ESRRG: variants seen among roughly 807,000 people sequenced by gnomAD.
The protein encoded by ESRRG is estrogen-related receptor gamma.
ESRRG carries 13 observed loss-of-function variants against 44.0 expected under a neutral mutation model. The ratio of observed to expected loss-of-function variants is 0.30; its 90% CI spans 0.19 to 0.47. The LOEUF (loss-of-function observed/expected upper bound fraction) is 0.47, where lower values mean the gene tolerates loss of function less well. ESRRG is among the 20% of genes least tolerant of loss of function. ESRRG has a pLI of 1.00. For missense variants in ESRRG, 395 were observed against 580.6 expected (o/e 0.68, Z 3.29); for synonymous variants, 215 against 214.6 (o/e 1.00, Z -0.02).
chr1:217,080,667 T>C (rs180681544), intron 1 of ESRRG, among the ~76,000 whole-genome samples: 10 of 99,064 alleles, frequency 1.0e-4, no homozygotes, highest in African/African-American at 3.0e-4. Context: ...GTTTTGTTTT[T>C]TTGGTTTTTT....
intron 2 of ESRRG, among the ~76,000 whole-genome samples, chr1:216,932,721 T>G (rs1028291859): frequency 4.3e-5 from 3 of 68,970 alleles, no homozygotes; most frequent in African/African-American, 2.4e-4. Flanking sequence ...CCAAACTTGT[T>G]TTTTTTTTTT....
At chr1:217,049,580 A>C (rs1580082073) in intron 1 of ESRRG, among the ~76,000 whole-genome samples, 1 of 152,324 alleles carries the variant, frequency 6.6e-6, no homozygotes, top group East Asian at 1.9e-4. Context: ...GAGAAGAAAA[A>C]AGAATAACTT....
At chr1:216,512,511 A>G (rs2043013892) in intron 6 of ESRRG, among the ~76,000 whole-genome samples, 1 of 152,220 alleles carries the variant, frequency 6.6e-6, no homozygotes, top group Non-Finnish European at 1.5e-5. Context: ...CTAAGTATAC[A>G]CATTTATTTA....
chr1:216,539,884 T>A (rs4846521), intron 5 of ESRRG, among the ~76,000 whole-genome samples: 87,392 of 151,848 alleles, frequency 0.58, 26,795 homozygotes, highest in African/African-American at 0.79. Flanking sequence ...ACATACAAAA[T>A]TCATTACTAC....
chr1:216,919,406 T>C (rs994436943), intron 2 of ESRRG, among the ~76,000 whole-genome samples: 1 of 152,188 alleles, frequency 6.6e-6, no homozygotes, highest in Admixed American at 6.6e-5. Flanking sequence ...AGAAACATCA[T>C]ATTTCAAAGG....
chr1:216,855,905 A>G (rs1439136735), intron 2 of ESRRG, among the ~76,000 whole-genome samples: 1 of 152,122 alleles, frequency 6.6e-6, no homozygotes, highest in Non-Finnish European at 1.5e-5. Flanking sequence ...TATGGACTTT[A>G]TCTCAATTTG....
intron 3 of ESRRG, among the ~76,000 whole-genome samples, chr1:216,580,511 G>A (rs2062560222): frequency 6.6e-6 from 1 of 152,130 alleles, no homozygotes; most frequent in African/African-American, 2.4e-5. Context: ...ATATTAAGAA[G>A]AACTGACTAA....
chr1:216,687,288 G>A (rs2078189634), intron 1 of ESRRG, among the ~76,000 whole-genome samples: 1 of 152,032 alleles, frequency 6.6e-6, no homozygotes, highest in Admixed American at 6.6e-5. Context: ...GGAGGCGTTG[G>A]CGGAAGGGCA....
At chr1:216,917,536 A>AAT (rs1450108762) in intron 2 of ESRRG, among the ~76,000 whole-genome samples, 1 of 152,186 alleles carries the variant, frequency 6.6e-6, no homozygotes, top group African/African-American at 2.4e-5. Context: ...ACACCCAGTA[A>AAT]ATACTCTGTA....
intron 1 of ESRRG, among the ~76,000 whole-genome samples, chr1:216,978,677 ACAGT>A (rs942889664): frequency 3.9e-5 from 6 of 152,166 alleles, no homozygotes; most frequent in Admixed American, 1.3e-4. Context: ...CTCTTCCATG[ACAGT>A]CAGAGCAGAA....
chr1:216,532,209 T>C (rs2049579260), intron 5 of ESRRG, among the ~76,000 whole-genome samples: 1 of 151,982 alleles, frequency 6.6e-6, no homozygotes, highest in Non-Finnish European at 1.5e-5. Context: ...ATTAGGATGA[T>C]GCCATAGTGG....
At chr1:216,537,636 A>C (rs1313913293) in intron 5 of ESRRG, among the ~76,000 whole-genome samples, 1 of 152,044 alleles carries the variant, frequency 6.6e-6, no homozygotes, top group Non-Finnish European at 1.5e-5. Flanking sequence ...TGAGATGGGA[A>C]GTCACTGGGG....
intron 2 of ESRRG, among the ~76,000 whole-genome samples, chr1:216,736,373 C>CG (rs1456413165): frequency 2.0e-5 from 3 of 151,698 alleles, no homozygotes; most frequent in African/African-American, 7.3e-5. Flanking sequence ...TTAGTAGAGA[C>CG]GGGGTTTCAC....
chr1:217,016,284 T>G (rs1297210198), intron 1 of ESRRG, among the ~76,000 whole-genome samples: 1 of 152,152 alleles, frequency 6.6e-6, no homozygotes, highest in Non-Finnish European at 1.5e-5. Context: ...CCATTTCCTT[T>G]TTTTTTAAGA....
At chr1:216,898,116 A>C (rs912601578) in intron 2 of ESRRG, among the ~76,000 whole-genome samples, 4 of 152,228 alleles carry the variant, frequency 2.6e-5, no homozygotes, top group African/African-American at 7.2e-5. Flanking sequence ...GCAGGGGGAA[A>C]AAATCAGAAA....
chr1:216,959,060 C>A (rs2068516789), intron 1 of ESRRG, among the ~76,000 whole-genome samples: 1 of 151,976 alleles, frequency 6.6e-6, no homozygotes, highest in Non-Finnish European at 1.5e-5. Flanking sequence ...CTTTCCCTCC[C>A]TTTTGCACTT....
chr1:216,938,086 CA>C (rs2064467736), intron 2 of ESRRG, among the ~76,000 whole-genome samples: 1 of 152,042 alleles, frequency 6.6e-6, no homozygotes, highest in Non-Finnish European at 1.5e-5. Flanking sequence ...CCTCACATTA[CA>C]AAGCAGACGT....
chr1:216,954,163 TTA>T (rs1327988489), intron 1 of ESRRG, among the ~76,000 whole-genome samples: 1 of 152,156 alleles, frequency 6.6e-6, no homozygotes. Context: ...ATTTTTTAGA[TTA>T]TGAGATAATG....
At chr1:216,957,516 A>C (rs896314439) in intron 1 of ESRRG, among the ~76,000 whole-genome samples, 6 of 152,148 alleles carry the variant, frequency 3.9e-5, no homozygotes, top group African/African-American at 1.4e-4. Context: ...GTGGTTGCAC[A>C]GCCCCAAAAC....
Sources: gnomAD v4.1 joint callset for allele counts (sites outside exome capture counted in the v4.1 genomes callset) on GRCh38, gnomAD v4.1.1 for gene constraint, MANE v1.5 for transcripts, NCBI Gene and HGNC (gene_info 2026-07-23, HGNC 2026-07-21) for gene names.